USPL1: variants seen among roughly 807,000 people sequenced by gnomAD.
The protein encoded by USPL1 is SUMO-specific isopeptidase USPL1.
USPL1 carries 27 observed loss-of-function variants against 51.5 expected under a neutral mutation model. The observed-to-expected ratio is 0.52, with a 90% CI of 0.39 to 0.72. The LOEUF (loss-of-function observed/expected upper bound fraction) is 0.72. Ranked by LOEUF, USPL1 falls within the 30% of genes least tolerant of loss-of-function variation. The pLI, the probability that USPL1 is intolerant of heterozygous loss-of-function variation, is 0.00. For missense variants in USPL1, 1,226 were observed against 1,268.0 expected (o/e 0.97, Z 0.50); for synonymous variants, 451 against 459.6 (o/e 0.98, Z 0.24).
At chr13:30,653,091 A>T (rs1037356207) in intron 7 of USPL1, 57 bp from the exon 8 acceptor site, 2 of 1,496,270 alleles carry the variant, frequency 1.3e-6, no homozygotes, top group Non-Finnish European at 1.8e-6. Context: ...CATCTTTTGT[A>T]TAATCAGACA....
chr13:30,659,372 CT>C lies in USPL1; in HGVS notation c.*22del, dbSNP rs375353192. 5 of 1,535,662 alleles carry C rather than the reference CT, an allele frequency of 3.3e-6. No homozygotes were observed. The highest frequency in any genetic ancestry group is 4.4e-6 in the Non-Finnish European group (5 of 1,142,398). Reference sequence around the variant, plus strand: ...GAATTATTGAATTAATGCTTGTTAACTTTTTTCATATAATATTTATTATTAT... The same window carrying C: ...GAATTATTGAATTAATGCTTGTTAACTTTTTCATATAATATTTATTATTAT... On this transcript the variant is annotated 3_prime_UTR_variant, in exon 9 of 9. Transcript: ENST00000255304.
At chr13:30,619,364 T>C (rs905156546) in intron 1 of USPL1, among the ~76,000 whole-genome samples, 1 of 152,216 alleles carries the variant, frequency 6.6e-6, no homozygotes, top group Non-Finnish European at 1.5e-5. Flanking sequence ...ATCTGGTTTT[T>C]CCCGCTGAAA....
intron 4 of USPL1, among the ~76,000 whole-genome samples, chr13:30,633,315 G>A (rs1439584007): frequency 2.6e-5 from 4 of 152,124 alleles, no homozygotes; most frequent in African/African-American, 7.2e-5. Flanking sequence ...ATAGGAAAAA[G>A]CATAATATAT....
chr13:30,637,900 A>G, intron 5 of USPL1, 43 bp downstream of exon 5: 3 of 1,338,168 alleles, frequency 2.2e-6, no homozygotes, highest in Non-Finnish European at 3.2e-6. Context: ...CTCATCTACC[A>G]TATAGAAATA....
chr13:30,625,356 A>G (rs1338267892), intron 3 of USPL1, among the ~76,000 whole-genome samples: 1 of 152,152 alleles, frequency 6.6e-6, no homozygotes, highest in African/African-American at 2.4e-5. Context: ...GACTGTAAGA[A>G]TAGAGAAGTC....
intron 4 of USPL1, among the ~76,000 whole-genome samples, chr13:30,633,557 G>A (rs948888559): frequency 1.3e-5 from 2 of 152,040 alleles, no homozygotes; most frequent in Non-Finnish European, 2.9e-5. Context: ...GATCTCATGA[G>A]GTCAAGAGTT....
At chr13:30,646,403 T>C (rs1951018434) in intron 6 of USPL1, among the ~76,000 whole-genome samples, 2 of 152,220 alleles carry the variant, frequency 1.3e-5, no homozygotes, top group African/African-American at 4.8e-5. Flanking sequence ...TATTCCTGAT[T>C]TTATGTTTGG....
intron 1 of USPL1, among the ~76,000 whole-genome samples, chr13:30,619,755 T>A (rs150147686): frequency 1.3e-5 from 2 of 152,310 alleles, no homozygotes; most frequent in African/African-American, 4.8e-5. Context: ...GTTTGACTCC[T>A]ACATAGTTCT....
intron 3 of USPL1, among the ~76,000 whole-genome samples, chr13:30,628,713 T>C (rs915641775): frequency 2.0e-5 from 3 of 152,262 alleles, no homozygotes; most frequent in African/African-American, 7.2e-5. Flanking sequence ...GCAAAGGACA[T>C]GAGGAGTTTC....
intron 4 of USPL1, among the ~76,000 whole-genome samples, chr13:30,632,727 A>G (rs903294101): frequency 1.3e-5 from 2 of 152,012 alleles, no homozygotes; most frequent in African/African-American, 2.4e-5. Flanking sequence ...AGTCTTTTTC[A>G]AAACTCTAAG....
intron 5 of USPL1, among the ~76,000 whole-genome samples, chr13:30,640,547 C>T (rs542002696): frequency 3.9e-5 from 6 of 152,048 alleles, no homozygotes; most frequent in South Asian, 2.1e-4. Flanking sequence ...AAAAATTAGC[C>T]GGACGTGGTG....
chr13:30,623,161 G>T (rs1211993893), intron 3 of USPL1, among the ~76,000 whole-genome samples: 1 of 152,062 alleles, frequency 6.6e-6, no homozygotes, highest in African/African-American at 2.4e-5. Flanking sequence ...TGCAATTCGA[G>T]CAAAAGCCTG....
intron 3 of USPL1, among the ~76,000 whole-genome samples, chr13:30,622,998 A>C (rs912753641): frequency 2.6e-5 from 4 of 152,126 alleles, no homozygotes; most frequent in Non-Finnish European, 4.4e-5. Flanking sequence ...AAGTTATGTC[A>C]TAGAGTGGGA....
chr13:30,641,168 T>C (rs1950942409), intron 5 of USPL1, among the ~76,000 whole-genome samples: 1 of 152,224 alleles, frequency 6.6e-6, no homozygotes, highest in South Asian at 2.1e-4. Context: ...TAAATACCAA[T>C]CATAGGGACA....
chr13:30,649,719 C>A (rs1391818215), intron 7 of USPL1, among the ~76,000 whole-genome samples: 3 of 152,244 alleles, frequency 2.0e-5, no homozygotes, highest in African/African-American at 7.2e-5. Flanking sequence ...CGCGATATTT[C>A]TCTGCTATCT....
intron 8 of USPL1, among the ~76,000 whole-genome samples, chr13:30,656,981 G>T (rs1951173610): frequency 6.6e-6 from 1 of 151,116 alleles, no homozygotes; most frequent in South Asian, 2.1e-4. Flanking sequence ...CATTGAAATT[G>T]TTCAGGCAAA....
chr13:30,651,869 T>G (rs1364815765), intron 7 of USPL1, among the ~76,000 whole-genome samples: 2 of 151,762 alleles, frequency 1.3e-5, no homozygotes, highest in Non-Finnish European at 2.9e-5. Flanking sequence ...GGTGGGAGAA[T>G]CACTTGAGCC....
chr13:30,652,722 C>T (rs900244137), intron 7 of USPL1, among the ~76,000 whole-genome samples: 6 of 152,142 alleles, frequency 3.9e-5, no homozygotes, highest in Non-Finnish European at 5.9e-5. Context: ...AGGTTTGTTG[C>T]TTTCTTTCAC....
chr13:30,650,788 G>A (rs1197717566), intron 7 of USPL1, among the ~76,000 whole-genome samples: 6 of 151,804 alleles, frequency 4.0e-5, no homozygotes, highest in East Asian at 1.9e-4. Context: ...TCAGGAGTTC[G>A]AGACCAATCT....
Sources: allele counts gnomAD v4.1 joint callset (sites outside exome capture counted in the v4.1 genomes callset), GRCh38; gene constraint gnomAD v4.1.1; transcripts MANE v1.5; gene names NCBI Gene and HGNC (gene_info 2026-07-23, HGNC 2026-07-21).